The following GABRR3 variants were observed in gnomAD, a reference collection of about 807,000 sequenced individuals.
The protein encoded by GABRR3 is gamma-aminobutyric acid receptor subunit rho-3.
Under a neutral mutation model 43.2 loss-of-function variants are expected in GABRR3, and 29 were observed. That is an observed-to-expected ratio of 0.67 (90% CI 0.50 to 0.92). The LOEUF is 0.92. GABRR3 is among the 40% of genes least tolerant of loss of function. The probability of loss-of-function intolerance (pLI) is 0.00; values close to 1 mark genes in which losing one functional copy is unlikely to be tolerated. For missense variants in GABRR3, 576 were observed against 572.3 expected (o/e 1.01, Z -0.07); for synonymous variants, 206 against 195.9 (o/e 1.05, Z -0.43).
chr3:97,986,920 G>T, exon 10 of GABRR3: 1 of 1,611,804 alleles, frequency 6.2e-7, no homozygotes, highest in Non-Finnish European at 8.5e-7. Context: ...CAATCTCGCT[G>T]TCATGGTAAC....
chr3:98,010,692 C>G (rs1194472746), intron 5 of GABRR3, among the ~76,000 whole-genome samples: 2 of 152,288 alleles, frequency 1.3e-5, no homozygotes, highest in Middle Eastern at 3.4e-3. Flanking sequence ...GACCTCCCCC[C>G]ACCAAAATTA....
chr3:98,012,692 T>C (rs1370183329), intron 4 of GABRR3, 125 bp from the exon 5 acceptor site: 1 of 648,672 alleles, frequency 1.5e-6, no homozygotes, highest in African/African-American at 1.8e-5. Context: ...TGGTTAATAT[T>C]GTAGTTTCAA....
intron 9 of GABRR3, 27 bp downstream of exon 9, chr3:97,992,825 G>T (rs755307191): frequency 6.4e-7 from 1 of 1,565,924 alleles, no homozygotes; most frequent in East Asian, 2.3e-5. Context: ...TTCCCCAAGG[G>T]ATCTGATAGT....
intron 3 of GABRR3, among the ~76,000 whole-genome samples, chr3:98,018,042 A>AAAAAGGATTTTTTTTTTTTATATATAT (rs1706894661): frequency 6.9e-6 from 1 of 145,282 alleles, no homozygotes; most frequent in Non-Finnish European, 1.5e-5. Context: ...CTTTTTACCT[A>AAAAAGGATTTTTTTTTTTTATATATAT]CTAGTGATTT....
chr3:97,993,039 G>A, exon 9 of GABRR3: 2 of 1,596,910 alleles, frequency 1.3e-6, no homozygotes, highest in Non-Finnish European at 1.7e-6. Context: ...GGTCAGCACT[G>A]TGGTGATTCC....
chr3:97,987,343 G>T (rs1471026013), intron 9 of GABRR3, among the ~76,000 whole-genome samples: 3 of 152,064 alleles, frequency 2.0e-5, no homozygotes, highest in African/African-American at 7.2e-5. Context: ...CATAAAACTG[G>T]TTTATTTTTC....
At chr3:97,999,101 G>A (rs1240168433) in intron 8 of GABRR3, 1 of 152,090 alleles carries the variant, frequency 6.6e-6, no homozygotes, top group Non-Finnish European at 1.5e-5. Flanking sequence ...AACAGAATGA[G>A]GAAAAGTGAA....
intron 8 of GABRR3, among the ~76,000 whole-genome samples, chr3:97,993,822 T>A (rs1364597882): frequency 6.6e-6 from 1 of 152,136 alleles, no homozygotes. Flanking sequence ...CTTTCCTTTT[T>A]TCCCCTCTTC....
At chr3:98,026,791 G>A (rs1707024505) in intron 2 of GABRR3, among the ~76,000 whole-genome samples, 1 of 152,150 alleles carries the variant, frequency 6.6e-6, no homozygotes, top group South Asian at 2.1e-4. Flanking sequence ...TATAAGACAT[G>A]TAGGTGAACT....
intron 9 of GABRR3, among the ~76,000 whole-genome samples, chr3:97,989,052 G>T (rs949967906): frequency 6.6e-6 from 1 of 151,484 alleles, no homozygotes; most frequent in African/African-American, 2.4e-5. Flanking sequence ...GGTGGTGAGT[G>T]GTGGTGATGG....
At chr3:98,012,685 T>C in intron 4 of GABRR3, 118 bp from the exon 5 acceptor site, 1 of 668,848 alleles carries the variant, frequency 1.5e-6, no homozygotes, top group Non-Finnish European at 2.6e-6. Flanking sequence ...AAGTGAATGG[T>C]TAATATTGTA....
intron 8 of GABRR3, 166 bp downstream of exon 8, chr3:98,001,449 A>AT: frequency 1.5e-6 from 1 of 668,910 alleles, no homozygotes; most frequent in East Asian, 2.7e-5. Flanking sequence ...CTCAATTACA[A>AT]TTTGCCCTTG....
intron 2 of GABRR3, among the ~76,000 whole-genome samples, chr3:98,029,184 G>T (rs1377935067): frequency 1.1e-4 from 16 of 152,144 alleles, no homozygotes; most frequent in Admixed American, 1.0e-3. Context: ...CCTAATTTTT[G>T]TCCTTTCCCA....
intron 3 of GABRR3, among the ~76,000 whole-genome samples, chr3:98,019,139 G>C (rs1706907277): frequency 6.6e-6 from 1 of 151,522 alleles, no homozygotes; most frequent in Admixed American, 6.6e-5. Flanking sequence ...AAAAAGAAAA[G>C]AAAAGAAAGG....
At chr3:98,007,790 C>T in exon 7 of GABRR3, 1 of 1,613,548 alleles carries the variant, frequency 6.2e-7, no homozygotes, top group East Asian at 2.2e-5. Flanking sequence ...AGCTAATCCA[C>T]TAGATGCACT....
chr3:98,032,381 C>T (rs933837994), intron 2 of GABRR3, among the ~76,000 whole-genome samples: 2 of 152,150 alleles, frequency 1.3e-5, no homozygotes, highest in African/African-American at 4.8e-5. Context: ...CTCCAGCACT[C>T]TGCTGATTAT....
At chr3:98,022,951 CG>C (rs1327615539) in intron 3 of GABRR3, among the ~76,000 whole-genome samples, 1 of 151,914 alleles carries the variant, frequency 6.6e-6, no homozygotes, top group Non-Finnish European at 1.5e-5. Flanking sequence ...TTTTTCTGGA[CG>C]GGGGGAGGAC....
chr3:98,032,845 A>C (rs975473636), intron 2 of GABRR3, among the ~76,000 whole-genome samples: 1 of 152,132 alleles, frequency 6.6e-6, no homozygotes, highest in African/African-American at 2.4e-5. Context: ...TCACTCTATT[A>C]GTTCTTTTGC....
intron 2 of GABRR3, 93 bp from the exon 3 acceptor site, chr3:98,025,772 T>C: frequency 1.4e-6 from 1 of 703,880 alleles, no homozygotes; most frequent in South Asian, 2.0e-5. Flanking sequence ...ACATAACATG[T>C]TCTGAAATAC....
Sources: allele counts gnomAD v4.1 joint callset (sites outside exome capture counted in the v4.1 genomes callset), GRCh38; gene constraint gnomAD v4.1.1; transcripts MANE v1.5; gene names NCBI Gene and HGNC (gene_info 2026-07-23, HGNC 2026-07-21).